EIF2AK4: variants seen among roughly 807,000 people sequenced by gnomAD.
EIF2AK4 encodes the protein eIF-2-alpha kinase GCN2.
In EIF2AK4, 139 loss-of-function variants were observed where a neutral mutation model predicts 211.1. The ratio of observed to expected loss-of-function variants is 0.66; its 90% CI spans 0.57 to 0.76. The LOEUF is 0.76. Ranked by LOEUF, EIF2AK4 falls within the 30% of genes least tolerant of loss-of-function variation. The pLI is 0.00. For missense variants in EIF2AK4, 1,664 were observed against 2,043.8 expected, an observed-to-expected ratio of 0.81 and a Z score of 3.58; for synonymous variants, 710 against 751.3, an observed-to-expected ratio of 0.94 and a Z score of 0.90.
Position 39,985,833 on chromosome 15 carries a change from G to T in EIF2AK4, c.2348G>T (p.Cys783Phe), listed in dbSNP as rs756155328. 1 of 1,614,128 alleles carries T rather than the reference G, an allele frequency of 6.2e-7. No individual in the cohort carries two copies. Among genetic ancestry groups the T allele is most frequent in the East Asian group, 2.2e-5 (1 of 44,878 alleles). The part of the protein sequence containing the change: ...QDEDCNEKNG[C>F]HESEPSVTTE... ...GAAGATTGCAATGAAAAGAATGGCT[G>T]CCATGAAAGTGAGCCATCAGTGACG... is the stretch of plus-strand genomic sequence containing the variant. Residue 783 changes from cysteine to phenylalanine, a missense_variant, in exon 14 of 39, where the codon TGC becomes TTC. Coordinates refer to ENST00000263791, the MANE Select transcript of EIF2AK4 (RefSeq NM_001013703.4).
intron 8 of EIF2AK4, among the ~76,000 whole-genome samples, chr15:39,967,125 A>G (rs1272666956): frequency 6.6e-6 from 1 of 152,158 alleles, no homozygotes; most frequent in Non-Finnish European, 1.5e-5. Flanking sequence ...ATCTTTATGA[A>G]CTATTAGATT....
Position 40,002,735 on chromosome 15 carries a change from C to T in EIF2AK4, c.3182C>T (p.Ala1061Val). 1 of 1,614,172 alleles carries T rather than the reference C, an allele frequency of 6.2e-7. No homozygotes were observed. The highest frequency in any genetic ancestry group is 8.5e-7 in the Non-Finnish European group (1 of 1,180,022). Residue 1061 changes from alanine to valine, a missense_variant, in exon 22 of 39, where the codon GCC becomes GTC. Physicochemically the swap from Ala to Val is moderately conservative, Grantham distance 64 (BLOSUM62 0). This residue lies in a region of EIF2AK4 where 622 missense variants were observed against 796.8 expected (regional missense o/e 0.78). Coordinates refer to ENST00000263791, the MANE Select transcript of EIF2AK4 (RefSeq NM_001013703.4). The part of the protein sequence containing the change: ...ILKGNFSIRT[A>V]KMQQHVCETI... The stretch of plus-strand genomic sequence containing the variant: ...TAGGGCAACTTCTCAATCCGTACAG[C>T]CAAGATGCAGCAGCATGTGTGTGAA...
chr15:40,029,418 T>A lies in EIF2AK4; in HGVS notation c.4515T>A (p.Asp1505Glu). The change falls in exon 34 of 39, where the codon GAT becomes GAA. Residue 1505 changes from aspartate (D) to glutamate (E), a missense_variant. Asp to Glu is a conservative substitution (Grantham distance 45). Around this residue, in one of 7 missense-constraint regions of EIF2AK4, gnomAD observed 138 missense variants for 165.1 expected, o/e 0.84. Transcript: ENST00000263791. ...TDERNGREASDNLAVQNLKGS... is the reference protein window; with the variant it reads ...TDERNGREASENLAVQNLKGS... Reference sequence around the variant, plus strand: ...TGCTTGTTTTTAGAGAAGCTTCCGATAATCTTGCAGTGCAAAATCTGAAGG... The same window carrying A: ...TGCTTGTTTTTAGAGAAGCTTCCGAAAATCTTGCAGTGCAAAATCTGAAGG... The A allele has an allele frequency of 6.2e-7, 1 of 1,613,118 alleles. No homozygotes were observed.
chr15:39,941,521 A>G (rs1486072429), intron 2 of EIF2AK4, among the ~76,000 whole-genome samples: 1 of 151,974 alleles, frequency 6.6e-6, no homozygotes, highest in East Asian at 1.9e-4. Flanking sequence ...TCAAGAATTC[A>G]AAGTGTTTAT....
At chr15:39,935,400 A>G (rs2034050319) in intron 1 of EIF2AK4, among the ~76,000 whole-genome samples, 2 of 151,230 alleles carry the variant, frequency 1.3e-5, no homozygotes, top group Non-Finnish European at 2.9e-5. Flanking sequence ...GTGCAGAGGC[A>G]TGACCACGGC....
chr15:40,004,034 A>G (rs1442490828), intron 23 of EIF2AK4, among the ~76,000 whole-genome samples: 1 of 152,246 alleles, frequency 6.6e-6, no homozygotes, highest in African/African-American at 2.4e-5. Context: ...TGCCTCACCA[A>G]TAATAAAGAA....
intron 11 of EIF2AK4, chr15:39,974,011 G>A (rs1474361986): frequency 3.7e-6 from 1 of 271,656 alleles, no homozygotes; most frequent in Non-Finnish European, 6.9e-6. Context: ...AGCACTTCAA[G>A]TGGAATCAAG....
chr15:40,002,066 AAGAT>A (rs1233150680), intron 21 of EIF2AK4, among the ~76,000 whole-genome samples: 7 of 152,202 alleles, frequency 4.6e-5, no homozygotes, highest in East Asian at 1.9e-4. Context: ...ATAATTTAAA[AAGAT>A]AGAGTAGTGG....
chr15:39,984,381 C>G (rs1380137098), intron 13 of EIF2AK4, among the ~76,000 whole-genome samples: 1 of 152,134 alleles, frequency 6.6e-6, no homozygotes, highest in Non-Finnish European at 1.5e-5. Flanking sequence ...TTTCCTAATT[C>G]TGTGAAGAAA....
intron 13 of EIF2AK4, among the ~76,000 whole-genome samples, chr15:39,980,070 A>T (rs1299322477): frequency 6.6e-6 from 1 of 152,244 alleles, no homozygotes; most frequent in African/African-American, 2.4e-5. Context: ...ACTATAAAAC[A>T]TTCCATAAAT....
At chr15:39,978,333 T>C in intron 13 of EIF2AK4, 186 bp downstream of exon 13, 1 of 345,856 alleles carries the variant, frequency 2.9e-6, no homozygotes, top group East Asian at 4.4e-5. Context: ...TCTTTATTTA[T>C]CCACATAGTA....
chr15:39,961,262 C>T (rs73386670), intron 6 of EIF2AK4, among the ~76,000 whole-genome samples: 2,719 of 152,288 alleles, frequency 0.018, 94 homozygotes, highest in African/African-American at 0.062. Flanking sequence ...GAATTTGTGG[C>T]AGCTCCAACC....
intron 29 of EIF2AK4, 106 bp downstream of exon 29, chr15:40,017,348 C>A: frequency 2.4e-6 from 3 of 1,257,494 alleles, no homozygotes; most frequent in Non-Finnish European, 3.3e-6. Context: ...CCAGTAATAT[C>A]ATTGGATACT....
rs1275701846 is a variant in EIF2AK4, at chr15:39,976,453, C to T, written c.1858C>T (p.Arg620Cys). The part of the protein sequence containing the change: ...KLDGCCYAVK[R>C]IPINPASRQF... Reference sequence around the variant, plus strand: ...GGACGGCTGCTGCTACGCAGTGAAGCGCATCCCCATCAACCCGGCCAGCCG... The same window carrying T: ...GGACGGCTGCTGCTACGCAGTGAAGTGCATCCCCATCAACCCGGCCAGCCG... The change falls in exon 12 of 39, where the codon CGC becomes TGC. Residue 620 changes from arginine to cysteine, a missense_variant. Physicochemically the swap from Arg to Cys is radical, Grantham distance 180. Coordinates refer to ENST00000263791, the MANE Select transcript of EIF2AK4 (RefSeq NM_001013703.4). The T allele has an allele frequency of 2.5e-6, 4 of 1,609,460 alleles. No individual in the cohort carries two copies. The South Asian group carries it at 4.4e-5, about 18-fold the overall frequency.
At chr15:39,969,534 G>C (rs2034594714) in intron 9 of EIF2AK4, among the ~76,000 whole-genome samples, 1 of 151,804 alleles carries the variant, frequency 6.6e-6, no homozygotes, top group African/African-American at 2.4e-5. Context: ...CTAATGTTTT[G>C]TATTTTTAGT....
rs746889288 is a variant in EIF2AK4 at position 39,967,298 on chromosome 15, A to T, written c.1018-46A>T. On this transcript the variant is annotated intron_variant, in intron 8 of 38. Coordinates refer to ENST00000263791, the MANE Select transcript of EIF2AK4 (RefSeq NM_001013703.4). The stretch of plus-strand genomic sequence containing the variant: ...CACTTTTGAAATGAAACCCAAGTTA[A>T]TGTTGACTGGCCCAATATTCTTTTT... The T allele has an allele frequency of 3.3e-6, 5 of 1,507,412 alleles. No individual in the cohort carries two copies. In the East Asian group the frequency reaches 9.3e-5, roughly 28 times the overall value. The allele number at this position is 1,507,412 out of a possible 1,614,324, so 93.4% of individuals were successfully genotyped here.
chr15:40,026,733 C>T (rs895508556), intron 33 of EIF2AK4, among the ~76,000 whole-genome samples: 3 of 152,072 alleles, frequency 2.0e-5, no homozygotes, highest in South Asian at 2.1e-4. Flanking sequence ...ATATTTTGTC[C>T]GTGTACTTTG....
At chr15:39,975,522 G>A (rs1161738244) in intron 11 of EIF2AK4, 1 of 152,212 alleles carries the variant, frequency 6.6e-6, no homozygotes, top group Non-Finnish European at 1.5e-5. Context: ...CATCACCTCA[G>A]TTGACCTGCA....
chr15:39,981,608 CTT>C (rs58381652), intron 13 of EIF2AK4, among the ~76,000 whole-genome samples: 5 of 146,890 alleles, frequency 3.4e-5, no homozygotes, highest in East Asian at 3.9e-4. Flanking sequence ...CAGAGCAGAG[CTT>C]TTTTTTTTTT....
Sources: gnomAD v4.1 joint callset for allele counts (sites outside exome capture counted in the v4.1 genomes callset) on GRCh38, gnomAD v4.1.1 for gene constraint, gnomAD v4.1.1 regional missense constraint, MANE v1.5 for transcripts, NCBI Gene and HGNC (gene_info 2026-07-23, HGNC 2026-07-21) for gene names.